Variants in MYBPHL observed in about 807,000 individuals in gnomAD.
MYBPHL encodes the protein myosin-binding protein H-like.
Under a neutral mutation model 39.5 loss-of-function variants are expected in MYBPHL, and 32 were observed. That is an observed-to-expected ratio of 0.81 (90% CI 0.61 to 1.09). The LOEUF (loss-of-function observed/expected upper bound fraction) is 1.09, where lower values mean the gene tolerates loss of function less well. Among genes scored for constraint, MYBPHL ranks in the 50% least tolerant of loss-of-function variants. MYBPHL has a pLI of 0.00. For missense variants in MYBPHL, 456 were observed against 460.2 expected (o/e 0.99, Z 0.08); for synonymous variants, 196 against 183.7 (o/e 1.07, Z -0.54).
intron 1 of MYBPHL, among the ~76,000 whole-genome samples, chr1:109,303,206 A>G (rs1045689394): frequency 1.8e-4 from 27 of 152,208 alleles, no homozygotes; most frequent in Non-Finnish European, 3.4e-4. Flanking sequence ...CCAGTGCTCC[A>G]ACACCAGCAA....
chr1:109,296,595 T>C (rs1056940267), intron 5 of MYBPHL, among the ~76,000 whole-genome samples, 188 bp downstream of exon 5: 22 of 152,188 alleles, frequency 1.4e-4, no homozygotes, highest in Non-Finnish European at 2.5e-4. Context: ...TGCACCACCA[T>C]GCCTGGCTAA....
chr1:109,293,688 C>G (rs684044), intron 8 of MYBPHL, among the ~76,000 whole-genome samples: 68,590 of 151,468 alleles, frequency 0.45, 16,910 homozygotes, highest in Middle Eastern at 0.56. Context: ...TGCAGTGAGC[C>G]GAGATAGCGC....
intron 6 of MYBPHL, 103 bp downstream of exon 6, chr1:109,296,131 T>A: frequency 8.5e-6 from 12 of 1,403,650 alleles, no homozygotes; most frequent in Non-Finnish European, 1.2e-5. Flanking sequence ...ATGGCGGTGA[T>A]GGTAACAGAT....
chr1:109,302,056 TGA>T (rs1283726187), intron 1 of MYBPHL, among the ~76,000 whole-genome samples: 3 of 151,730 alleles, frequency 2.0e-5, no homozygotes, highest in South Asian at 2.1e-4. Context: ...TATGTGTGTG[TGA>T]GTGTATGTGT....
Position 109,295,223 on chromosome 1 carries a change from T to C in MYBPHL, c.942A>G (p.Gly314=). 6.2e-7 allele frequency: 1 copy of C among 1,614,166 alleles called. No homozygotes were observed. Residue 314 remains glycine (G), a synonymous_variant, in exon 7 of 9, where the codon GGA becomes GGG. Transcript: ENST00000357155. The part of the protein sequence containing the change: ...NPKYRALTHL[G]ICSLEIRKPG... Reference sequence around the variant, plus strand: ...GCTTGCGGATCTCTAGGGAGCAGATTCCCAGGTGAGTCAGGGCTCTGTACT... The same window carrying C: ...GCTTGCGGATCTCTAGGGAGCAGATCCCCAGGTGAGTCAGGGCTCTGTACT...
rs184362758 is a variant in MYBPHL at position 109,294,400 on chromosome 1, T to C, written c.1055-151A>G. The C allele has an allele frequency of 1.3e-4, 91 of 686,924 alleles. No homozygotes were observed. In the Middle Eastern group the frequency reaches 3.9e-3, roughly 29 times the overall value. 42.6% of individuals were successfully genotyped at this position (686,924 alleles called of 1,614,324 possible). A position where few individuals can be genotyped will look rare whatever the true frequency, so the allele number is the denominator to read the frequency against. On this transcript the variant is annotated intron_variant, in intron 7 of 8. Coordinates refer to ENST00000357155, the MANE Select transcript of MYBPHL (RefSeq NM_001010985.3). Reference sequence around the variant, plus strand: ...TCTATACATAGAGAAGAACAGGACATGTAAGGGCTCATTCATTCTTGATCC... The same window carrying C: ...TCTATACATAGAGAAGAACAGGACACGTAAGGGCTCATTCATTCTTGATCC...
At chr1:109,306,244 G>A (rs1377487831) in intron 1 of MYBPHL, among the ~76,000 whole-genome samples, 2 of 152,196 alleles carry the variant, frequency 1.3e-5, no homozygotes, top group Non-Finnish European at 2.9e-5. Context: ...CCTCTTTGCT[G>A]AGAGGCACAC....
rs180929191 is a variant in MYBPHL, at chr1:109,299,696, C to T, written c.146-1439G>A. Among the ~76,000 whole-genome samples, 37 of 152,376 alleles carry T rather than the reference C, an allele frequency of 2.4e-4. No homozygotes were observed. The East Asian group carries it at 6.9e-3, about 29-fold the overall frequency. ...TCACCTGGGCTGTGCCTGTCTTAGA[C>T]TGCACCTCAGGAATATGTGACGAGG... On this transcript the variant is annotated intron_variant, in intron 1 of 8. Coordinates refer to ENST00000357155, the MANE Select transcript of MYBPHL (RefSeq NM_001010985.3).
Position 109,296,823 on chromosome 1 carries a change from T to C in MYBPHL, c.690A>G (p.Thr230=). The C allele has an allele frequency of 6.2e-7, 1 of 1,614,188 alleles. No individual in the cohort carries two copies. The highest frequency in any genetic ancestry group is 8.5e-7 in the Non-Finnish European group (1 of 1,180,026). The change falls in exon 5 of 9, where the codon ACA becomes ACG. Residue 230 remains threonine (T), a synonymous_variant. Coordinates refer to ENST00000357155, the MANE Select transcript of MYBPHL (RefSeq NM_001010985.3). Reference sequence around the variant, plus strand: ...GGGCGAGGTCCGTAGTGATGGGGGCTGTTTCACTGAGTCCGCACTGGTTTT... The same window carrying C: ...GGGCGAGGTCCGTAGTGATGGGGGCCGTTTCACTGAGTCCGCACTGGTTTT... ...FAENQCGLSE[T]APITTDLAHI...
chr1:109,294,129 A>C, intron 8 of MYBPHL, 77 bp downstream of exon 8: 1 of 967,438 alleles, frequency 1.0e-6, no homozygotes, highest in Non-Finnish European at 1.7e-6. Context: ...TCAGGAATGC[A>C]CCTCTGTCCC....
intron 8 of MYBPHL, chr1:109,292,993 T>G (rs1475491924): frequency 6.6e-6 from 1 of 152,256 alleles, no homozygotes; most frequent in Non-Finnish European, 1.5e-5. Context: ...ATGTGCTGCT[T>G]GGGACCACAC....
intron 4 of MYBPHL, 25 bp from the exon 5 acceptor site, chr1:109,296,967 A>C (rs889926520): frequency 6.2e-7 from 1 of 1,613,902 alleles, no homozygotes. Context: ...ATGATGCCAG[A>C]AATCAGCCAC....
At position 109,294,188 on chromosome 1, in the gene MYBPHL, T is replaced by C; in HGVS notation, c.*33+18A>G. On this transcript the variant is annotated intron_variant, in intron 8 of 8. Transcript: ENST00000357155. The stretch of plus-strand genomic sequence containing the variant: ...ACAGGAAGTAATCCAGTGAGACATC[T>C]TGCCTCTCTTTACTTACCTTTGTCA... 6.7e-7 allele frequency: 1 copy of C among 1,497,874 alleles called. No homozygotes were observed. Among genetic ancestry groups the C allele is most frequent in the Non-Finnish European group, 9.3e-7 (1 of 1,073,426 alleles). The allele number at this position is 1,497,874 out of a possible 1,614,324, so 92.8% of individuals were successfully genotyped here.
At chr1:109,294,399 A>G in intron 7 of MYBPHL, 150 bp from the exon 8 acceptor site, 1 of 683,932 alleles carries the variant, frequency 1.5e-6, no homozygotes, top group South Asian at 1.7e-5. Context: ...AGAACAGGAC[A>G]TGTAAGGGCT....
chr1:109,306,886 C>G lies in MYBPHL; in HGVS notation c.106G>C (p.Ala36Pro). Residue 36 changes from alanine (A) to proline (P), a missense_variant, in exon 1 of 9, where the codon GCT (alanine) becomes CCT (proline). Coordinates refer to ENST00000357155, the MANE Select transcript of MYBPHL (RefSeq NM_001010985.3). ...AGGAGCTGGGGAGTGGGGCTGCCAG[C>G]CCCCTGTCCAGGTGAAGCCTGGGGT... Reference protein sequence around the residue: ...EPPQASPGQGAGSPTPQLLPP... With the variant: ...EPPQASPGQGPGSPTPQLLPP... 6.2e-7 allele frequency: 1 copy of G among 1,600,474 alleles called. No homozygotes were observed. Among genetic ancestry groups the G allele is most frequent in the South Asian group, 1.1e-5 (1 of 89,258 alleles).
rs752421989 is a variant in MYBPHL at position 109,295,118 on chromosome 1, ATCCACCCGACAG to A, written c.1035_1046del (p.Cys346_Asp349del). On this transcript the variant is annotated inframe_deletion, in exon 7 of 9. Coordinates refer to ENST00000357155, the MANE Select transcript of MYBPHL (RefSeq NM_001010985.3). ...TTCTCCTCTTGCCCTTACCTTTCAC[ATCCACCCGACAG>A]TCCACAGATGCCTCCCCTAGGGGGT... The A allele has an allele frequency of 1.9e-6, 3 of 1,612,904 alleles. No homozygotes were observed. Among genetic ancestry groups the A allele is most frequent in the Non-Finnish European group, 2.5e-6 (3 of 1,179,882 alleles).
At chr1:109,293,109 A>ATT (rs201460965) in intron 8 of MYBPHL, 2 of 151,362 alleles carry the variant, frequency 1.3e-5, no homozygotes, top group African/African-American at 2.4e-5. Flanking sequence ...ATATTAATCC[A>ATT]TTTTTTTTTA....
At chr1:109,305,858 C>T (rs1380409300) in intron 1 of MYBPHL, among the ~76,000 whole-genome samples, 1 of 152,218 alleles carries the variant, frequency 6.6e-6, no homozygotes, top group African/African-American at 2.4e-5. Context: ...CATTTATTTA[C>T]ATCTTAGTTT....
At chr1:109,303,407 C>G (rs1310962261) in intron 1 of MYBPHL, among the ~76,000 whole-genome samples, 8 of 152,172 alleles carry the variant, frequency 5.3e-5, no homozygotes, top group African/African-American at 1.9e-4. Context: ...AATACCTAAC[C>G]CTTGTTAAAT....
Sources: gnomAD v4.1 joint callset for allele counts (sites outside exome capture counted in the v4.1 genomes callset) on GRCh38, gnomAD v4.1.1 for gene constraint, MANE v1.5 for transcripts, NCBI Gene and HGNC (gene_info 2026-07-23, HGNC 2026-07-21) for gene names.